DESI2: variants seen among roughly 807,000 people sequenced by gnomAD.
DESI2 encodes the protein desumoylating isopeptidase 2, also known as deubiquitinase DESI2.
A neutral mutation model predicts 24.1 loss-of-function variants in DESI2; 10 were observed. The observed-to-expected ratio is 0.41, with a 90% CI of 0.26 to 0.70. The LOEUF (loss-of-function observed/expected upper bound fraction) is 0.70. DESI2 is among the 30% of genes least tolerant of loss of function. The pLI is 0.29. For missense variants in DESI2, 122 were observed against 234.9 expected (o/e 0.52, Z 3.14); for synonymous variants, 71 against 87.7 (o/e 0.81, Z 1.06).
At chr1:244,660,584 A>G (rs1675808290) in intron 1 of DESI2, among the ~76,000 whole-genome samples, 1 of 152,252 alleles carries the variant, frequency 6.6e-6, no homozygotes, top group Non-Finnish European at 1.5e-5. Flanking sequence ...GTTGGTTCAT[A>G]AAATGTAAAG....
chr1:244,707,924 T>G lies in DESI2; in HGVS notation c.*2135T>G, dbSNP rs1455813923. 3 of 152,200 alleles carry G rather than the reference T, an allele frequency of 2.0e-5. No individual in the cohort carries two copies. In the East Asian group the frequency reaches 5.8e-4, roughly 29 times the overall value. 9.4% of individuals were successfully genotyped at this position (152,200 alleles called of 1,614,324 possible). A position where few individuals can be genotyped will look rare whatever the true frequency, so the allele number is the denominator to read the frequency against. On this transcript the variant is annotated 3_prime_UTR_variant, in exon 5 of 5. Coordinates refer to ENST00000302550, the MANE Select transcript of DESI2 (RefSeq NM_016076.5). ...AGTAGAAATAGTGTCCTAAGGCCAATTACCTACCATACTAACAATCAGCAG... is the reference window on the plus strand; with the variant it reads ...AGTAGAAATAGTGTCCTAAGGCCAAGTACCTACCATACTAACAATCAGCAG...
intron 1 of DESI2, among the ~76,000 whole-genome samples, chr1:244,683,262 C>T (rs1238135865): frequency 1.3e-5 from 2 of 152,292 alleles, no homozygotes; most frequent in East Asian, 3.9e-4. Flanking sequence ...AGTACGTGTA[C>T]ACATGGGCCT....
At chr1:244,692,127 G>A (rs2148810506) in intron 4 of DESI2, 107 bp downstream of exon 4, 4 of 1,025,178 alleles carry the variant, frequency 3.9e-6, no homozygotes, top group South Asian at 3.2e-5. Context: ...CCGATTTTTT[G>A]TGTTGTATGA....
chr1:244,694,606 G>A, intron 4 of DESI2: 1 of 849,398 alleles, frequency 1.2e-6, no homozygotes, highest in Non-Finnish European at 2.1e-6. Flanking sequence ...CGCTTGGCGG[G>A]GTAGCCACAT....
chr1:244,701,537 AGAATCTCCAGAT>A (rs1263311638), intron 4 of DESI2, among the ~76,000 whole-genome samples: 1 of 152,218 alleles, frequency 6.6e-6, no homozygotes, highest in Non-Finnish European at 1.5e-5. Flanking sequence ...TTCAGAGGAT[AGAATCTCCAGAT>A]GGCAGAGCCA....
At chr1:244,661,531 G>A (rs1406594870) in intron 1 of DESI2, among the ~76,000 whole-genome samples, 1 of 151,998 alleles carries the variant, frequency 6.6e-6, no homozygotes, top group Non-Finnish European at 1.5e-5. Context: ...TTCACATTAG[G>A]TATATCTCCT....
At chr1:244,674,561 C>A (rs148447994) in intron 1 of DESI2, among the ~76,000 whole-genome samples, 1 of 152,098 alleles carries the variant, frequency 6.6e-6, no homozygotes, top group Non-Finnish European at 1.5e-5. Context: ...ATCTACTTTC[C>A]GTCTGTGTAG....
At chr1:244,653,923 T>C (rs1408590373) in intron 1 of DESI2, 3 of 471,114 alleles carry the variant, frequency 6.4e-6, no homozygotes, top group Non-Finnish European at 1.3e-5. Flanking sequence ...GCAACCTCGT[T>C]AAAATATGAA....
intron 4 of DESI2, among the ~76,000 whole-genome samples, chr1:244,702,561 C>T (rs913429853): frequency 2.6e-5 from 4 of 152,096 alleles, no homozygotes; most frequent in African/African-American, 9.7e-5. Flanking sequence ...AGGATTGGTA[C>T]ACTTTTATTT....
intron 3 of DESI2, 114 bp from the exon 4 acceptor site, chr1:244,691,765 T>C: frequency 1.2e-6 from 1 of 814,098 alleles, no homozygotes; most frequent in South Asian, 2.3e-5. Flanking sequence ...TGATTTGTTA[T>C]GTCGATCATA....
chr1:244,672,263 A>T (rs1275953791), intron 1 of DESI2, among the ~76,000 whole-genome samples: 1 of 152,144 alleles, frequency 6.6e-6, no homozygotes. Context: ...CCCTTTGCTG[A>T]TGAGTGAGTT....
At chr1:244,698,695 C>T (rs2148815620) in intron 4 of DESI2, among the ~76,000 whole-genome samples, 1 of 152,276 alleles carries the variant, frequency 6.6e-6, no homozygotes, top group Non-Finnish European at 1.5e-5. Context: ...GATACAGGCT[C>T]AGGGAAGACG....
intron 2 of DESI2, among the ~76,000 whole-genome samples, chr1:244,687,315 AGTTTTTTTCCACT>A (rs753749334): frequency 1.3e-5 from 2 of 152,188 alleles, no homozygotes; most frequent in Non-Finnish European, 2.9e-5. Flanking sequence ...TGTTTTCAAC[AGTTTTTTTCCACT>A]GTGCTAATTC....
At chr1:244,699,021 C>T (rs1472800586) in intron 4 of DESI2, among the ~76,000 whole-genome samples, 1 of 152,204 alleles carries the variant, frequency 6.6e-6, no homozygotes, top group East Asian at 1.9e-4. Context: ...CTTGGGACTT[C>T]TGGACTAGCT....
At chr1:244,698,384 A>G (rs1413218285) in intron 4 of DESI2, among the ~76,000 whole-genome samples, 2 of 152,252 alleles carry the variant, frequency 1.3e-5, no homozygotes, top group Non-Finnish European at 2.9e-5. Flanking sequence ...TTTAATTGCA[A>G]GTGAGCTCAT....
chr1:244,683,905 G>A (rs944477494), intron 1 of DESI2, among the ~76,000 whole-genome samples: 1 of 149,560 alleles, frequency 6.7e-6, no homozygotes, highest in East Asian at 2.0e-4. Context: ...GGGTCTCCCT[G>A]TGTTGCCTAG....
rs996913818 is a variant in DESI2 at position 244,689,022 on chromosome 1, T to A, written c.116-227T>A. Among the ~76,000 whole-genome samples the A allele has an allele frequency of 2.6e-5, 4 of 152,168 alleles. No homozygotes were observed. The highest frequency in any genetic ancestry group is 9.7e-5 in the African/African-American group (4 of 41,436). On this transcript the variant is annotated intron_variant, in intron 2 of 4. Coordinates refer to ENST00000302550, the MANE Select transcript of DESI2 (RefSeq NM_016076.5). The surrounding 1 kb of genome is among the most constrained non-coding windows in gnomAD (Gnocchi z 4.0). ...TTCCTGCCATGATAAGAAAGGGAAA[T>A]ATGGCAGGCAAGAATATCTTTGAGT...
chr1:244,705,498 A>C, intron 4 of DESI2, 58 bp from the exon 5 acceptor site: 3 of 1,415,788 alleles, frequency 2.1e-6, no homozygotes, highest in Non-Finnish European at 2.0e-6. Flanking sequence ...ACTCCCTGGC[A>C]GTGGACCAGG....
At chr1:244,690,659 C>T (rs767606270) in intron 3 of DESI2, among the ~76,000 whole-genome samples, 15 of 150,586 alleles carry the variant, frequency 1.0e-4, no homozygotes, top group Non-Finnish European at 2.2e-4. Flanking sequence ...GAGCTGAGGT[C>T]GCGCCATTGC....
Sources: allele counts gnomAD v4.1 joint callset (sites outside exome capture counted in the v4.1 genomes callset), GRCh38; gene constraint gnomAD v4.1.1; non-coding constraint Gnocchi (gnomAD v3.1); transcripts MANE v1.5; gene names NCBI Gene and HGNC (gene_info 2026-07-23, HGNC 2026-07-21).